CFAP20DC: variants seen among roughly 807,000 people sequenced by gnomAD.
CFAP20DC encodes protein CFAP20DC.
A neutral mutation model predicts 101.7 loss-of-function variants in CFAP20DC; 84 were observed. That is an observed-to-expected ratio of 0.83 (90% CI 0.69 to 0.99). The LOEUF (loss-of-function observed/expected upper bound fraction) is 0.99. Ranked by LOEUF, CFAP20DC falls within the 50% of genes least tolerant of loss-of-function variation. CFAP20DC has a pLI of 0.00. For missense variants in CFAP20DC, 1,007 were observed against 970.3 expected, an observed-to-expected ratio of 1.04 and a Z score of -0.50; for synonymous variants, 359 against 351.2, an observed-to-expected ratio of 1.02 and a Z score of -0.25.
At chr3:58,928,220 C>T (rs773608865) in intron 5 of CFAP20DC, among the ~76,000 whole-genome samples, 8 of 152,042 alleles carry the variant, frequency 5.3e-5, no homozygotes, top group Non-Finnish European at 1.0e-4. Context: ...GGAAAACAGA[C>T]AAGTAAATAG....
At chr3:58,826,889 G>A (rs141094821) in intron 14 of CFAP20DC, among the ~76,000 whole-genome samples, 174 of 152,280 alleles carry the variant, frequency 1.1e-3, no homozygotes, top group Non-Finnish European at 2.0e-3. Flanking sequence ...GAATAATTCT[G>A]TTCAGGGTGG....
In CFAP20DC at chr3:58,894,630, A is replaced by G. The variant is rs1455904819; in HGVS notation, c.551-9921T>C. 6.6e-6 allele frequency among the ~76,000 whole-genome samples: 1 copy of G among 152,154 alleles called. No individual in the cohort carries two copies. The highest frequency in any genetic ancestry group is 2.4e-5 in the African/African-American group (1 of 41,442). On this transcript the variant is annotated intron_variant, in intron 6 of 16. Coordinates refer to ENST00000482387, the MANE Select transcript of CFAP20DC (RefSeq NM_001394063.1). The surrounding 1 kb of genome is among the most constrained non-coding windows in gnomAD (Gnocchi z 4.1). ...CTGTCTGTGGGTTTTCCAGGCACACAGTGCAAGCTGTCAGTGGATCTACCA... is the reference window on the plus strand; with the variant it reads ...CTGTCTGTGGGTTTTCCAGGCACACGGTGCAAGCTGTCAGTGGATCTACCA...
intron 4 of CFAP20DC, among the ~76,000 whole-genome samples, chr3:58,985,363 CT>C (rs1215541874): frequency 6.6e-5 from 10 of 152,120 alleles, no homozygotes; most frequent in African/African-American, 2.4e-4. Context: ...TCCATCATCC[CT>C]GGCCTGATTG....
intron 13 of CFAP20DC, among the ~76,000 whole-genome samples, chr3:58,847,464 G>T (rs755803610): frequency 0.061 from 9,122 of 149,826 alleles, 413 homozygotes; most frequent in African/African-American, 0.15. Flanking sequence ...AAACCACAAT[G>T]AGATACCATC....
chr3:58,825,105 G>A (rs1309653665), intron 14 of CFAP20DC, among the ~76,000 whole-genome samples: 1 of 152,084 alleles, frequency 6.6e-6, no homozygotes, highest in African/African-American at 2.4e-5. Context: ...AGATAATGAA[G>A]GAGTTTATTT....
chr3:58,779,990 C>A (rs1457088366), intron 15 of CFAP20DC, among the ~76,000 whole-genome samples: 7 of 152,054 alleles, frequency 4.6e-5, no homozygotes, highest in East Asian at 1.9e-4. Context: ...TATAAGGGAA[C>A]CCCTATCAGA....
Position 58,816,785 on chromosome 3 carries a change from A to G in CFAP20DC, c.2176-10329T>C, listed in dbSNP as rs567563540. Among the ~76,000 whole-genome samples, 312 of 152,252 alleles carry G rather than the reference A, an allele frequency of 2.0e-3. 2 individuals are homozygous for G. The highest frequency in any genetic ancestry group is 6.8e-3 in the Middle Eastern group (2 of 294). ...AGGAAGCTCGAACTGGGTGGAGCCC[A>G]CCACAGCTCAAGGAGGCCTGCCTGC... On this transcript the variant is annotated intron_variant, in intron 14 of 16. Transcript: ENST00000482387.
At chr3:58,783,944 T>C (rs974557272) in intron 15 of CFAP20DC, among the ~76,000 whole-genome samples, 2 of 152,084 alleles carry the variant, frequency 1.3e-5, no homozygotes, top group Admixed American at 1.3e-4. Context: ...GTATGAATGA[T>C]CCCATTATGC....
At chr3:59,012,198 C>T (rs973996269) in intron 4 of CFAP20DC, among the ~76,000 whole-genome samples, 7 of 151,972 alleles carry the variant, frequency 4.6e-5, no homozygotes, top group East Asian at 1.9e-4. Context: ...GGAAGAGTCA[C>T]GGAACGCCTT....
chr3:58,852,491 A>G (rs2078340095), intron 12 of CFAP20DC, among the ~76,000 whole-genome samples: 1 of 152,096 alleles, frequency 6.6e-6, no homozygotes, highest in South Asian at 2.1e-4. Context: ...AAGCGGACCT[A>G]ATAGACATCT....
chr3:58,893,770 T>C (rs1180998630), intron 6 of CFAP20DC, among the ~76,000 whole-genome samples: 1 of 142,250 alleles, frequency 7.0e-6, no homozygotes, highest in Admixed American at 7.0e-5. Context: ...GTTCCTGGGC[T>C]TTTTTTTTTT....
At chr3:58,808,014 A>G (rs1347982242) in intron 14 of CFAP20DC, among the ~76,000 whole-genome samples, 1 of 152,190 alleles carries the variant, frequency 6.6e-6, no homozygotes, top group Non-Finnish European at 1.5e-5. Flanking sequence ...AGTTTAGAGA[A>G]AAAAGAATAA....
chr3:58,787,828 TC>T (rs1369178656), intron 15 of CFAP20DC, among the ~76,000 whole-genome samples: 1 of 152,146 alleles, frequency 6.6e-6, no homozygotes, highest in Non-Finnish European at 1.5e-5. Context: ...TGAGTTCATG[TC>T]CTTTGCAGGG....
intron 4 of CFAP20DC, among the ~76,000 whole-genome samples, chr3:58,986,353 T>C (rs1319909889): frequency 6.6e-6 from 1 of 152,032 alleles, no homozygotes; most frequent in Non-Finnish European, 1.5e-5. Context: ...ACACATAAAA[T>C]TATAGATGGG....
chr3:58,921,175 CTT>C (rs2085326549), intron 5 of CFAP20DC, among the ~76,000 whole-genome samples: 1 of 151,888 alleles, frequency 6.6e-6, no homozygotes, highest in Non-Finnish European at 1.5e-5. Context: ...TGATTTATCA[CTT>C]TTATTAATCA....
intron 5 of CFAP20DC, among the ~76,000 whole-genome samples, chr3:58,934,176 A>G (rs2087168475): frequency 6.6e-6 from 1 of 152,246 alleles, no homozygotes; most frequent in African/African-American, 2.4e-5. Context: ...ATTTAGAAGT[A>G]ATGGATAAAT....
intron 4 of CFAP20DC, among the ~76,000 whole-genome samples, chr3:58,955,047 T>G (rs539719837): frequency 6.6e-6 from 1 of 151,822 alleles, no homozygotes; most frequent in Non-Finnish European, 1.5e-5. Flanking sequence ...AAATTTACCA[T>G]ATTTTGTGTA....
chr3:58,863,291 T>A lies in CFAP20DC; in HGVS notation c.1593+267A>T. Reference sequence around the variant, plus strand: ...TGCATATCGTTTCTCATCCTGTGATTCAAAGATTAAAATGAAAAAACAGAA... The same window carrying A: ...TGCATATCGTTTCTCATCCTGTGATACAAAGATTAAAATGAAAAAACAGAA... On this transcript the variant is annotated intron_variant, in intron 12 of 16. Coordinates refer to ENST00000482387, the MANE Select transcript of CFAP20DC (RefSeq NM_001394063.1). This position sits in a 1 kb window ranked among gnomAD's most constrained non-coding sequence, Gnocchi z 5.9. 7.1e-7 allele frequency: 1 copy of A among 1,410,234 alleles called. No homozygotes were observed. The highest frequency in any genetic ancestry group is 1.7e-5 in the South Asian group (1 of 58,350). The allele number at this position is 1,410,234 out of a possible 1,614,324, so 87.4% of individuals were successfully genotyped here. A position where few individuals can be genotyped will look rare whatever the true frequency, so the allele number is the denominator to read the frequency against.
In CFAP20DC at chr3:58,753,596, G is replaced by C. The variant is rs1285876013; in HGVS notation, c.2332+173C>G. On this transcript the variant is annotated intron_variant, in intron 16 of 16. Coordinates refer to ENST00000482387, the MANE Select transcript of CFAP20DC (RefSeq NM_001394063.1). ...GGTAGTTTCTCTCATCTTCTTTTTAGTTGTAAAGAACCCATTATTCTAAAA... is the reference window on the plus strand; with the variant it reads ...GGTAGTTTCTCTCATCTTCTTTTTACTTGTAAAGAACCCATTATTCTAAAA... 7.2e-6 allele frequency: 4 copies of C among 553,632 alleles called. No individual in the cohort carries two copies. The African/African-American group carries it at 7.9e-5, about 11-fold the overall frequency. The allele number at this position is 553,632 out of a possible 1,614,324, so 34.3% of individuals were successfully genotyped here.
Sources: allele counts gnomAD v4.1 joint callset (sites outside exome capture counted in the v4.1 genomes callset), GRCh38; gene constraint gnomAD v4.1.1; non-coding constraint Gnocchi (gnomAD v3.1); transcripts MANE v1.5; gene names NCBI Gene and HGNC (gene_info 2026-07-23, HGNC 2026-07-21).